The following RPL26 variants were observed in gnomAD, a reference collection of about 807,000 sequenced individuals.
RPL26 encodes ribosomal protein L26.
Under a neutral mutation model 16.2 loss-of-function variants are expected in RPL26, and 1 was observed. The observed-to-expected ratio is 0.06, with a 90% CI of 0.02 to 0.29. RPL26 has a LOEUF of 0.29. Among genes scored for constraint, RPL26 ranks in the 10% least tolerant of loss-of-function variants. The pLI, the probability that RPL26 is intolerant of heterozygous loss-of-function variation, is 1.00. For synonymous variants in RPL26, 55 were observed against 62.4 expected, an observed-to-expected ratio of 0.88 and a Z score of 0.56; for missense variants, 102 against 184.3, an observed-to-expected ratio of 0.55 and a Z score of 2.58.
chr17:8,379,293 G>T (rs73237205), intron 3 of RPL26: 3,000 of 155,042 alleles, frequency 0.019, 108 homozygotes, highest in African/African-American at 0.069. Context: ...ATACATAATG[G>T]GACAGGCATG....
At chr17:8,377,824 TAAA>T in intron 3 of RPL26, 132 bp from the exon 4 acceptor site, 2 of 747,292 alleles carry the variant, frequency 2.7e-6, no homozygotes, top group Non-Finnish European at 4.0e-6. Context: ...TTTTAACTTT[TAAA>T]AAACTCCAGA....
Position 8,377,586 on chromosome 17 carries a change from G to A in RPL26, c.416C>T (p.Thr139Ile). 1 of 1,598,910 alleles carries A rather than the reference G, an allele frequency of 6.3e-7. No homozygotes were observed. ...ACTTTATTCCTGCATCTTCTCAATG[G>A]TTTCTTCCTTGTATTTGCCCTTTTC... is the stretch of plus-strand genomic sequence containing the variant. ...GKEKGKYKEE[T>I]IEKMQE The change falls in exon 4 of 4, where the codon ACC becomes ATC. Residue 139 changes from threonine to isoleucine, a missense_variant. Transcript: ENST00000648839.
At chr17:8,378,790 T>A (rs1907276190) in intron 3 of RPL26, among the ~76,000 whole-genome samples, 1 of 152,166 alleles carries the variant, frequency 6.6e-6, no homozygotes, top group Non-Finnish European at 1.5e-5. Context: ...CCCGAAAACA[T>A]TTACAAGTGA....
intron 2 of RPL26, 116 bp from the exon 3 acceptor site, chr17:8,380,052 A>G: frequency 1.1e-6 from 1 of 878,458 alleles, no homozygotes; most frequent in Non-Finnish European, 1.7e-6. Context: ...GGTTAAAAAA[A>G]AGAGCCCACT....
chr17:8,382,973 CTCCA>C (rs1235743319), intron 1 of RPL26, 180 bp downstream of exon 1: 3 of 398,478 alleles, frequency 7.5e-6, no homozygotes, highest in Non-Finnish European at 1.3e-5. Context: ...TCCCCGGTCC[CTCCA>C]TCCATCTCCG....
chr17:8,377,821 T>C (rs1907219035), intron 3 of RPL26, 129 bp from the exon 4 acceptor site: 4 of 787,606 alleles, frequency 5.1e-6, no homozygotes, highest in Non-Finnish European at 7.4e-6. Flanking sequence ...AGATTTTAAC[T>C]TTTAAAAAAC....
intron 2 of RPL26, among the ~76,000 whole-genome samples, chr17:8,380,393 G>A (rs1479566349): frequency 6.6e-6 from 1 of 152,146 alleles, no homozygotes; most frequent in Non-Finnish European, 1.5e-5. Flanking sequence ...GGGACCAACG[G>A]CTGTTCTCAA....
chr17:8,383,163 C>G lies in RPL26; in HGVS notation c.-12G>C, dbSNP rs921096585. 5.0e-6 allele frequency: 2 copies of G among 398,732 alleles called. No homozygotes were observed. The highest frequency in any genetic ancestry group is 8.8e-6 in the Non-Finnish European group (2 of 226,112). 24.7% of individuals were successfully genotyped at this position (398,732 alleles called of 1,614,324 possible). ...TTGCCCGCCGAATCCTTACCCGCTC[C>G]CGCTTCGGTGATGGCCGCAAAAGGG... On this transcript the variant is annotated 5_prime_UTR_variant, in exon 1 of 4. Transcript: ENST00000648839.
At chr17:8,381,910 G>T (rs1008668224) in intron 2 of RPL26, 2 of 370,104 alleles carry the variant, frequency 5.4e-6, no homozygotes, top group South Asian at 2.6e-5. Flanking sequence ...GCCTGGGGGG[G>T]ACAAGAGCGA....
chr17:8,377,668 C>T lies in RPL26; in HGVS notation c.334G>A (p.Asp112Asn). ...SKVVITRLKL[D>N]KDRKKILERK... ...TCGAGGATCTTTTTGCGGTCTTTGT[C>T]CAGTTTTAGCCTAGTGATAACCACC... The change falls in exon 4 of 4, where the codon GAC (aspartate) becomes AAC (asparagine). Residue 112 changes from aspartate (D) to asparagine (N), a missense_variant. Physicochemically the swap from Asp to Asn is conservative, Grantham distance 23 (BLOSUM62 1). Transcript: ENST00000648839. 6.2e-7 allele frequency: 1 copy of T among 1,610,220 alleles called. No homozygotes were observed. The highest frequency in any genetic ancestry group is 8.5e-7 in the Non-Finnish European group (1 of 1,178,762).
At chr17:8,382,443 C>T in intron 1 of RPL26, 128 bp from the exon 2 acceptor site, 2 of 672,514 alleles carry the variant, frequency 3.0e-6, no homozygotes, top group Non-Finnish European at 5.0e-6. Flanking sequence ...GCAACTTCAA[C>T]AAAAACTGTT....
At chr17:8,381,908 G>A in intron 2 of RPL26, 1 of 367,634 alleles carries the variant, frequency 2.7e-6, no homozygotes, top group Non-Finnish European at 4.9e-6. Flanking sequence ...CAGCCTGGGG[G>A]GGACAAGAGC....
chr17:8,379,538 C>T, intron 3 of RPL26: 2 of 547,644 alleles, frequency 3.7e-6, no homozygotes, highest in Non-Finnish European at 6.4e-6. Context: ...TGTGCCACTG[C>T]ACTCCGGCCT....
At chr17:8,380,933 C>T (rs1317540850) in intron 2 of RPL26, 2 of 152,208 alleles carry the variant, frequency 1.3e-5, no homozygotes, top group Non-Finnish European at 2.9e-5. Flanking sequence ...TGTAGGCTAA[C>T]AAATTAGCTG....
intron 3 of RPL26, 137 bp downstream of exon 3, chr17:8,379,659 A>G: frequency 2.8e-6 from 2 of 724,870 alleles, no homozygotes; most frequent in Non-Finnish European, 4.7e-6. Context: ...ATACAAGTGC[A>G]GTAGTATTTA....
intron 3 of RPL26, among the ~76,000 whole-genome samples, chr17:8,378,019 AC>A (rs1306923958): frequency 1.3e-5 from 2 of 152,212 alleles, no homozygotes; most frequent in African/African-American, 4.8e-5. Context: ...GCTGTCATAT[AC>A]AAATATATTT....
chr17:8,382,097 G>C (rs1907445558), intron 2 of RPL26, 46 bp downstream of exon 2: 1 of 1,519,306 alleles, frequency 6.6e-7, no homozygotes, highest in African/African-American at 1.4e-5. Flanking sequence ...TAAGCTAAGT[G>C]CGTAAAATAT....
At chr17:8,379,111 T>C (rs1479777151) in intron 3 of RPL26, 1 of 152,070 alleles carries the variant, frequency 6.6e-6, no homozygotes, top group Non-Finnish European at 1.5e-5. Flanking sequence ...ACCAAGTTGC[T>C]AGGAGGCGAG....
At chr17:8,379,986 G>A in intron 2 of RPL26, 50 bp from the exon 3 acceptor site, 1 of 1,484,982 alleles carries the variant, frequency 6.7e-7, no homozygotes, top group South Asian at 1.2e-5. Flanking sequence ...GATTAACCTT[G>A]TAAATCAAGT....
Sources: allele counts gnomAD v4.1 joint callset (sites outside exome capture counted in the v4.1 genomes callset), GRCh38; gene constraint gnomAD v4.1.1; transcripts MANE v1.5; gene names NCBI Gene and HGNC (gene_info 2026-07-23, HGNC 2026-07-21).